KLF12: variants seen among roughly 807,000 people sequenced by gnomAD.
The protein encoded by KLF12 is KLF transcription factor 12, also known as Krueppel-like factor 12.
Under a neutral mutation model 37.8 loss-of-function variants are expected in KLF12, and 9 were observed. The ratio of observed to expected loss-of-function variants is 0.24; its 90% CI spans 0.14 to 0.42. KLF12 has a LOEUF of 0.42. Among genes scored for constraint, KLF12 ranks in the 10% least tolerant of loss-of-function variants. KLF12 has a pLI of 1.00. For missense variants in KLF12, 411 were observed against 516.0 expected, an observed-to-expected ratio of 0.80 and a Z score of 1.97; for synonymous variants, 208 against 202.1, an observed-to-expected ratio of 1.03 and a Z score of -0.25.
At chr13:73,955,763 C>T (rs1890811901) in intron 2 of KLF12, among the ~76,000 whole-genome samples, 2 of 152,060 alleles carry the variant, frequency 1.3e-5, no homozygotes, top group African/African-American at 4.8e-5. Flanking sequence ...GTAATTTGAG[C>T]CCTGGAAAAC....
intron 3 of KLF12, among the ~76,000 whole-genome samples, chr13:73,914,542 C>T (rs1336207790): frequency 6.6e-6 from 1 of 152,156 alleles, no homozygotes; most frequent in Non-Finnish European, 1.5e-5. Context: ...AACAAATTCT[C>T]TGGCTGGCTT....
At chr13:74,125,096 G>A (rs1877858013) in intron 1 of KLF12, among the ~76,000 whole-genome samples, 1 of 150,380 alleles carries the variant, frequency 6.6e-6, no homozygotes, top group Admixed American at 6.7e-5. Context: ...AGTGAGCTGA[G>A]ATGGTGTCAC....
intron 5 of KLF12, among the ~76,000 whole-genome samples, chr13:73,783,393 A>G (rs1386534439): frequency 6.6e-6 from 1 of 152,142 alleles, no homozygotes; most frequent in Non-Finnish European, 1.5e-5. Context: ...ACTAAATAGA[A>G]TAAGTTCCAG....
At chr13:74,038,685 G>A (rs1383425443) in intron 1 of KLF12, among the ~76,000 whole-genome samples, 2 of 152,124 alleles carry the variant, frequency 1.3e-5, no homozygotes, top group Non-Finnish European at 2.9e-5. Flanking sequence ...ACCCTGTGGA[G>A]AAATTTTTGC....
At chr13:73,985,301 T>C (rs566148710) in intron 2 of KLF12, among the ~76,000 whole-genome samples, 24 of 152,254 alleles carry the variant, frequency 1.6e-4, no homozygotes, top group African/African-American at 5.5e-4. Context: ...GGATGCTCTG[T>C]TTTGCAGCAA....
At chr13:73,835,704 T>C (rs967130544) in intron 4 of KLF12, among the ~76,000 whole-genome samples, 1 of 152,130 alleles carries the variant, frequency 6.6e-6, no homozygotes, top group Non-Finnish European at 1.5e-5. Flanking sequence ...CTAGTATATA[T>C]ACACACCCCC....
At chr13:74,220,722 C>T in the KLF12 span, among the ~76,000 whole-genome samples, 12 of 152,282 alleles carry the variant, frequency 7.9e-5, no homozygotes, top group African/African-American at 2.9e-4. Flanking sequence ...CTCTCTGCTT[C>T]TATGAAATCG....
intron 2 of KLF12, 88 bp downstream of exon 2, chr13:73,994,899 CAAG>C: frequency 1.2e-6 from 1 of 843,156 alleles, no homozygotes; most frequent in Non-Finnish European, 2.1e-6. Context: ...CGTATTCACA[CAAG>C]AAGGTACTCT....
At chr13:74,163,286 A>G in the KLF12 span, among the ~76,000 whole-genome samples, 2 of 152,176 alleles carry the variant, frequency 1.3e-5, no homozygotes, top group East Asian at 1.9e-4. Flanking sequence ...GCACTCCTAT[A>G]TTTGTTGCAG....
At chr13:73,809,204 G>C (rs1243241199) in intron 5 of KLF12, among the ~76,000 whole-genome samples, 1 of 152,170 alleles carries the variant, frequency 6.6e-6, no homozygotes, top group Non-Finnish European at 1.5e-5. Flanking sequence ...GAGATCCACA[G>C]AGGTCCTTTG....
chr13:74,070,199 G>A (rs1330794258), intron 1 of KLF12, among the ~76,000 whole-genome samples: 1 of 152,238 alleles, frequency 6.6e-6, no homozygotes, highest in African/African-American at 2.4e-5. Context: ...AGCAGCAGCA[G>A]CATAGGAATG....
chr13:73,783,616 G>T (rs1054069579), intron 5 of KLF12, among the ~76,000 whole-genome samples: 1 of 152,050 alleles, frequency 6.6e-6, no homozygotes, highest in Non-Finnish European at 1.5e-5. Context: ...TATTATGCAT[G>T]AATTAAAAAA....
intron 2 of KLF12, among the ~76,000 whole-genome samples, chr13:73,974,572 A>C (rs1163889986): frequency 6.6e-6 from 1 of 152,224 alleles, no homozygotes; most frequent in African/African-American, 2.4e-5. Flanking sequence ...TAAACTCTTT[A>C]ATAATAAAAT....
At position 74,006,618 on chromosome 13, in the gene KLF12, GC is replaced by G. The variant is rs1892416323; in HGVS notation, c.-31-11566del. Among the ~76,000 whole-genome samples the G allele has an allele frequency of 1.3e-5, 2 of 152,344 alleles. 1 individual carries two copies. The highest frequency in any genetic ancestry group is 3.9e-4 in the East Asian group (2 of 5,182). On this transcript the variant is annotated intron_variant, in intron 1 of 7. Transcript: ENST00000377669. The stretch of plus-strand genomic sequence containing the variant: ...GGCTTACCATCTAGGGAAGGAGACA[GC>G]AGCACTTCCAAGAACTCAAAACTGA...
At chr13:73,900,445 T>G (rs1289388712) in intron 3 of KLF12, among the ~76,000 whole-genome samples, 1 of 152,188 alleles carries the variant, frequency 6.6e-6, no homozygotes, top group Non-Finnish European at 1.5e-5. Flanking sequence ...GAATACATCC[T>G]GAATCTTTTA....
chr13:74,249,336 TCACACACACA>T, the KLF12 span, among the ~76,000 whole-genome samples: 671 of 74,150 alleles, frequency 9.0e-3, 6 homozygotes, highest in African/African-American at 0.024. Context: ...AGCAGGAGCA[TCACACACACA>T]CACACACACA....
the KLF12 span, among the ~76,000 whole-genome samples, chr13:74,264,196 G>A: frequency 2.0e-5 from 3 of 152,138 alleles, no homozygotes; most frequent in Non-Finnish European, 4.4e-5. Context: ...TTGAATAACA[G>A]CTGAAAAAAA....
chr13:74,241,380 G>T, the KLF12 span, among the ~76,000 whole-genome samples: 19 of 152,016 alleles, frequency 1.2e-4, no homozygotes, highest in Middle Eastern at 3.4e-3. Context: ...GTCTGCAGAG[G>T]TTACTGCTGT....
intron 1 of KLF12, among the ~76,000 whole-genome samples, chr13:74,048,244 G>A (rs1593856487): frequency 6.6e-6 from 1 of 152,282 alleles, no homozygotes; most frequent in Non-Finnish European, 1.5e-5. Context: ...GTAGAGGCTG[G>A]AATACGTCAT....
Sources: allele counts gnomAD v4.1 joint callset (sites outside exome capture counted in the v4.1 genomes callset), GRCh38; gene constraint gnomAD v4.1.1; transcripts MANE v1.5; gene names NCBI Gene and HGNC (gene_info 2026-07-23, HGNC 2026-07-21).